The following APBB2 variants were observed in gnomAD, a reference collection of about 807,000 sequenced individuals.
The protein encoded by APBB2 is Fe65-like 1.
APBB2 carries 38 observed loss-of-function variants against 82.5 expected under a neutral mutation model. That is an observed-to-expected ratio of 0.46 (90% CI 0.36 to 0.60). APBB2 has a LOEUF of 0.60. APBB2 is among the 20% of genes least tolerant of loss of function. APBB2 has a pLI of 0.00. For missense variants in APBB2, 772 were observed against 972.3 expected (o/e 0.79, Z 2.74); for synonymous variants, 341 against 368.2 (o/e 0.93, Z 0.85).
At chr4:40,970,676 G>A (rs1263513420) in intron 6 of APBB2, among the ~76,000 whole-genome samples, 1 of 152,030 alleles carries the variant, frequency 6.6e-6, no homozygotes, top group Non-Finnish European at 1.5e-5. Flanking sequence ...GGGAGTGATG[G>A]GTTCCCACAA....
chr4:40,878,730 C>A (rs1767568037), intron 12 of APBB2, among the ~76,000 whole-genome samples: 1 of 152,188 alleles, frequency 6.6e-6, no homozygotes, highest in Admixed American at 6.5e-5. Context: ...GGTGTCAGAG[C>A]CCGTCTGTCA....
intron 1 of APBB2, among the ~76,000 whole-genome samples, chr4:41,185,534 C>A (rs1772666376): frequency 6.6e-6 from 1 of 152,206 alleles, no homozygotes; most frequent in South Asian, 2.1e-4. Context: ...GAAAACTCTG[C>A]TCTGCACATT....
intron 12 of APBB2, chr4:40,856,869 G>T: frequency 1.1e-6 from 1 of 888,496 alleles, no homozygotes; most frequent in Non-Finnish European, 1.3e-6. Context: ...CAGGCAACTC[G>T]CTAAGCGCTG....
intron 3 of APBB2, among the ~76,000 whole-genome samples, chr4:41,086,941 CA>C: frequency 3.0e-5 from 1 of 32,934 alleles, no homozygotes; most frequent in East Asian, 3.9e-4. Flanking sequence ...CACACACACA[CA>C]CACACACAAA....
intron 3 of APBB2, among the ~76,000 whole-genome samples, chr4:41,093,075 G>A (rs1422777962): frequency 6.6e-6 from 1 of 152,144 alleles, no homozygotes; most frequent in Non-Finnish European, 1.5e-5. Context: ...ACTTTCCCTA[G>A]GGTTTGGTTT....
chr4:40,916,933 G>A (rs983904359), intron 10 of APBB2, among the ~76,000 whole-genome samples: 1 of 152,118 alleles, frequency 6.6e-6, no homozygotes, highest in Non-Finnish European at 1.5e-5. Context: ...GGAGGACTTC[G>A]TATCATGCAG....
Position 41,150,606 on chromosome 4 carries a change from CAGAA to C in APBB2, c.-416-7468_-416-7465del, listed in dbSNP as rs1336799487. 3.3e-5 allele frequency among the ~76,000 whole-genome samples: 5 copies of C among 152,342 alleles called. No individual in the cohort carries two copies. In the East Asian group the frequency reaches 9.6e-4, roughly 29 times the overall value. On this transcript the variant is annotated intron_variant, in intron 1 of 17. Coordinates refer to ENST00000508593, the MANE Select transcript of APBB2 (RefSeq NM_004307.2). Reference sequence around the variant, plus strand: ...CATGAAGCCTTCCCCAGTATAGCAACAGAAAGAATTCCCGAAGGCTTTGCAATTT... The same window carrying C: ...CATGAAGCCTTCCCCAGTATAGCAACAGAATTCCCGAAGGCTTTGCAATTT...
chr4:40,829,435 G>A (rs1156675966), intron 13 of APBB2, among the ~76,000 whole-genome samples: 16 of 152,274 alleles, frequency 1.1e-4, no homozygotes, highest in South Asian at 8.3e-4. Context: ...CTTGTCCAGC[G>A]CCTCTAAAAC....
intron 10 of APBB2, among the ~76,000 whole-genome samples, chr4:40,930,653 A>G (rs935194613): frequency 6.6e-6 from 1 of 152,208 alleles, no homozygotes; most frequent in African/African-American, 2.4e-5. Context: ...AGTTTTAAGT[A>G]GGGAGTAAGG....
chr4:40,938,304 C>A (rs1785902952), intron 7 of APBB2, among the ~76,000 whole-genome samples: 1 of 152,182 alleles, frequency 6.6e-6, no homozygotes, highest in Non-Finnish European at 1.5e-5. Context: ...AGCCTTGGAG[C>A]CTTAGCTCCT....
intron 2 of APBB2, among the ~76,000 whole-genome samples, chr4:41,133,023 C>CT (rs1756503582): frequency 6.6e-6 from 1 of 151,978 alleles, no homozygotes; most frequent in African/African-American, 2.4e-5. Flanking sequence ...TACTGTACAT[C>CT]TTTTTCAGGG....
chr4:41,019,795 G>A (rs1385169481), intron 5 of APBB2, among the ~76,000 whole-genome samples: 1 of 152,162 alleles, frequency 6.6e-6, no homozygotes, highest in East Asian at 1.9e-4. Flanking sequence ...CACTGCCGAA[G>A]CCATCAAAAA....
chr4:41,001,735 G>A (rs774875999), intron 6 of APBB2, among the ~76,000 whole-genome samples: 12 of 152,036 alleles, frequency 7.9e-5, no homozygotes, highest in Admixed American at 1.3e-4. Context: ...GAAATTAGCC[G>A]GGCATGGTGG....
intron 3 of APBB2, among the ~76,000 whole-genome samples, chr4:41,066,644 C>T (rs1407584101): frequency 2.6e-5 from 4 of 152,156 alleles, no homozygotes; most frequent in Admixed American, 6.5e-5. Context: ...GAGTTAGCCG[C>T]GCTAGGGATG....
intron 15 of APBB2, among the ~76,000 whole-genome samples, chr4:40,825,031 G>T (rs902605135): frequency 6.6e-6 from 1 of 152,162 alleles, no homozygotes; most frequent in African/African-American, 2.4e-5. Flanking sequence ...ACGCTACAGC[G>T]CACTTCAGTC....
At chr4:41,083,741 T>C (rs1290242468) in intron 3 of APBB2, among the ~76,000 whole-genome samples, 1 of 150,234 alleles carries the variant, frequency 6.7e-6, no homozygotes, top group Non-Finnish European at 1.5e-5. Context: ...TAGGTCCTGT[T>C]GTAAAGGTAG....
At chr4:40,871,365 G>A (rs1286546075) in intron 12 of APBB2, among the ~76,000 whole-genome samples, 3 of 151,952 alleles carry the variant, frequency 2.0e-5, no homozygotes, top group Non-Finnish European at 2.9e-5. Flanking sequence ...GGCTGGTCTC[G>A]AACTCCTGGC....
At chr4:41,005,198 C>T (rs1806357512) in intron 6 of APBB2, among the ~76,000 whole-genome samples, 1 of 152,160 alleles carries the variant, frequency 6.6e-6, no homozygotes, top group Non-Finnish European at 1.5e-5. Context: ...TCAAGTGATT[C>T]TCCTGCCTCA....
chr4:41,063,865 G>A (rs1377383426), intron 4 of APBB2, among the ~76,000 whole-genome samples: 1 of 148,632 alleles, frequency 6.7e-6, no homozygotes, highest in Non-Finnish European at 1.5e-5. Flanking sequence ...TTTTTGTAGA[G>A]ACAGGGTTTC....
Sources: allele counts gnomAD v4.1 joint callset (sites outside exome capture counted in the v4.1 genomes callset), GRCh38; gene constraint gnomAD v4.1.1; transcripts MANE v1.5; gene names NCBI Gene and HGNC (gene_info 2026-07-23, HGNC 2026-07-21).